The following UBE2L3 variants were observed in gnomAD, a reference collection of about 807,000 sequenced individuals.
UBE2L3 encodes the protein ubiquitin conjugating enzyme E2 L3.
In UBE2L3, 1 loss-of-function variant was observed where a neutral mutation model predicts 17.8. The ratio of observed to expected loss-of-function variants is 0.06; its 90% confidence interval spans 0.02 to 0.27. The LOEUF is 0.27. Among genes scored for constraint, UBE2L3 ranks in the 10% least tolerant of loss-of-function variants. UBE2L3 has a pLI of 1.00. For missense variants in UBE2L3, 40 were observed against 192.6 expected (o/e 0.21, Z 4.69); for synonymous variants, 44 against 68.5 (o/e 0.64, Z 1.76).
At chr22:21,566,853 G>T (rs770882015), upstream of UBE2L3, among the ~76,000 whole-genome samples, 1 of 152,090 alleles carries the variant, frequency 6.6e-6, no homozygotes, top group Non-Finnish European at 1.5e-5. Flanking sequence ...CCCAGCATTG[G>T]CTTTGGAGCC....
intron 1 of UBE2L3, among the ~76,000 whole-genome samples, chr22:21,583,327 G>A (rs745951123): frequency 2.6e-5 from 4 of 152,146 alleles, no homozygotes; most frequent in Non-Finnish European, 5.9e-5. Flanking sequence ...CTAGAGCAGC[G>A]TTTCTCAGTT....
Position 21,584,128 on chromosome 22 carries a change from G to C in UBE2L3, c.28-8733G>C, listed in dbSNP as rs141174914. ...GACCTCAGGTGATCCGCCCGCCTTG[G>C]CCTCCCAAAGTGCTGGGATTACAGG... is the stretch of plus-strand genomic sequence containing the variant. On this transcript the variant is annotated intron_variant, in intron 1 of 3. Transcript: ENST00000342192. Among the ~76,000 whole-genome samples, 94 of 152,086 alleles carry C rather than the reference G, an allele frequency of 6.2e-4. No individual in the cohort carries two copies. The East Asian group carries it at 0.017, about 27-fold the overall frequency.
At chr22:21,572,437 A>AAAAG (rs1328950511) in intron 1 of UBE2L3, among the ~76,000 whole-genome samples, 2 of 151,160 alleles carry the variant, frequency 1.3e-5, no homozygotes, top group East Asian at 3.9e-4. Flanking sequence ...AAAAAAAAAA[A>AAAAG]AAAAGAAAAC....
chr22:21,613,756 G>A (rs1929626763), intron 3 of UBE2L3, among the ~76,000 whole-genome samples: 1 of 152,194 alleles, frequency 6.6e-6, no homozygotes, highest in Non-Finnish European at 1.5e-5. Context: ...GCTGTATTGA[G>A]GTGGGAACTC....
At chr22:21,567,801 C>G (rs755926497) in intron 1 of UBE2L3, 30 bp downstream of exon 1, 20 of 1,570,152 alleles carry the variant, frequency 1.3e-5, no homozygotes, top group Non-Finnish European at 1.5e-5. Flanking sequence ...AGCGGCCGGG[C>G]GTGGGGCGGC....
chr22:21,571,632 C>T (rs1926969711), intron 1 of UBE2L3, among the ~76,000 whole-genome samples: 1 of 152,162 alleles, frequency 6.6e-6, no homozygotes, highest in Non-Finnish European at 1.5e-5. Flanking sequence ...TAACTCCTAA[C>T]CTCAGGTGAT....
chr22:21,562,505 G>A (rs1926478299), intron 1 of UBE2L3, among the ~76,000 whole-genome samples: 1 of 151,622 alleles, frequency 6.6e-6, no homozygotes, highest in East Asian at 1.9e-4. Flanking sequence ...CCGAGTAGCT[G>A]GGACCACAAG....
chr22:21,600,793 A>AAT (rs1928816648), intron 2 of UBE2L3, among the ~76,000 whole-genome samples: 2 of 152,236 alleles, frequency 1.3e-5, no homozygotes, highest in Admixed American at 6.5e-5. Context: ...TTCAGAAACC[A>AAT]ATATTAGAAC....
chr22:21,606,315 A>ATG lies in UBE2L3; in HGVS notation c.124-4527_124-4526dup, dbSNP rs145064151. Among the ~76,000 whole-genome samples the ATG allele has an allele frequency of 2.1e-3, 313 of 150,440 alleles. 1 individual carries two copies. Among genetic ancestry groups the ATG allele is most frequent in the African/African-American group, 4.4e-3 (182 of 40,958 alleles). On this transcript the variant is annotated intron_variant, in intron 2 of 3. Coordinates refer to ENST00000342192, the MANE Select transcript of UBE2L3 (RefSeq NM_003347.4). Reference sequence around the variant, plus strand: ...GTGTGCGCGCGCGCGTGTGTGTGGTATGTGTGTGTGTGTGTGGTGTGTGTG... The same window carrying ATG: ...GTGTGCGCGCGCGCGTGTGTGTGGTATGTGTGTGTGTGTGTGTGGTGTGTGTG...
At chr22:21,603,268 C>T (rs574040825) in intron 2 of UBE2L3, among the ~76,000 whole-genome samples, 79 of 152,224 alleles carry the variant, frequency 5.2e-4, no homozygotes, top group African/African-American at 1.9e-3. Flanking sequence ...TGGCTCACAC[C>T]TGTAATCCCA....
intron 2 of UBE2L3, among the ~76,000 whole-genome samples, chr22:21,600,080 G>A (rs8141686): frequency 0.08 from 12,146 of 152,132 alleles, 1,680 homozygotes; most frequent in African/African-American, 0.28. Context: ...GGGAGGCCGA[G>A]GCAAGTGGAT....
At chr22:21,621,439 C>T in intron 3 of UBE2L3, 76 bp from the exon 4 acceptor site, 1 of 1,481,296 alleles carries the variant, frequency 6.8e-7, no homozygotes, top group African/African-American at 1.4e-5. Context: ...GAGTTTTGTT[C>T]CCGGATTAGC....
chr22:21,552,824 C>T (rs1466576158), intron 1 of UBE2L3, among the ~76,000 whole-genome samples: 5 of 122,562 alleles, frequency 4.1e-5, no homozygotes, highest in East Asian at 2.3e-4. Flanking sequence ...CCTGAGTTCA[C>T]GCCATTCTCC....
intron 2 of UBE2L3, among the ~76,000 whole-genome samples, chr22:21,609,739 G>GT (rs1398018464): frequency 6.6e-6 from 1 of 151,756 alleles, no homozygotes; most frequent in African/African-American, 2.4e-5. Flanking sequence ...GGAAAAACAA[G>GT]TAACGGCTGG....
intron 1 of UBE2L3, among the ~76,000 whole-genome samples, chr22:21,578,253 G>A (rs1342229448): frequency 6.6e-6 from 1 of 151,808 alleles, no homozygotes; most frequent in East Asian, 1.9e-4. Context: ...CCAGCTACTC[G>A]GGAGGCTGAG....
At chr22:21,588,145 G>A (rs915163561) in intron 1 of UBE2L3, among the ~76,000 whole-genome samples, 8 of 152,178 alleles carry the variant, frequency 5.3e-5, no homozygotes, top group Admixed American at 2.6e-4. Flanking sequence ...AACCTTTGTG[G>A]GAGTGTTATT....
Position 21,584,834 on chromosome 22 carries a change from G to A in UBE2L3, c.28-8027G>A, listed in dbSNP as rs1927850155. Among the ~76,000 whole-genome samples the A allele has an allele frequency of 2.0e-5, 3 of 152,052 alleles. No individual in the cohort carries two copies. In the South Asian group the frequency reaches 6.2e-4, roughly 31 times the overall value. ...AAATGAGCTGGGCATGGTGGTGCGT[G>A]CCTGTAGCCCCAGCTACTCAGGAGG... On this transcript the variant is annotated intron_variant, in intron 1 of 3. Coordinates refer to ENST00000342192, the MANE Select transcript of UBE2L3 (RefSeq NM_003347.4).
intron 1 of UBE2L3, among the ~76,000 whole-genome samples, chr22:21,589,142 ATT>A (rs768593270): frequency 1.3e-4 from 14 of 111,712 alleles, no homozygotes; most frequent in East Asian, 8.0e-4. Context: ...CATGATTGGA[ATT>A]TTTTTTTTTT....
At chr22:21,600,635 G>A (rs557604111) in intron 2 of UBE2L3, among the ~76,000 whole-genome samples, 9 of 152,244 alleles carry the variant, frequency 5.9e-5, no homozygotes, top group East Asian at 1.9e-4. Flanking sequence ...GGCGGAGGCC[G>A]CAGTGAGCCA....
Sources: gnomAD v4.1 joint callset for allele counts (sites outside exome capture counted in the v4.1 genomes callset) on GRCh38, gnomAD v4.1.1 for gene constraint, MANE v1.5 for transcripts, NCBI Gene and HGNC (gene_info 2026-07-23, HGNC 2026-07-21) for gene names.